The following CCDC85A variants were observed in gnomAD, a reference collection of about 807,000 sequenced individuals.
CCDC85A encodes the protein coiled-coil domain-containing protein 85A.
In CCDC85A, 38 loss-of-function variants were observed where a neutral mutation model predicts 50.2. The ratio of observed to expected loss-of-function variants is 0.76; its 90% CI spans 0.58 to 0.99. The LOEUF (loss-of-function observed/expected upper bound fraction) is 0.99. CCDC85A is among the 50% of genes least tolerant of loss of function. CCDC85A has a pLI of 0.00. For missense variants in CCDC85A, 820 were observed against 742.0 expected (o/e 1.11, Z -1.22); for synonymous variants, 366 against 301.4 (o/e 1.21, Z -2.22).
intron 2 of CCDC85A, among the ~76,000 whole-genome samples, chr2:56,255,620 C>A (rs1329996371): frequency 6.6e-6 from 1 of 152,104 alleles, no homozygotes; most frequent in Non-Finnish European, 1.5e-5. Context: ...GTCAAATGCC[C>A]TACACGTTAA....
intron 1 of CCDC85A, among the ~76,000 whole-genome samples, chr2:56,190,167 G>A (rs765819642): frequency 7.9e-5 from 12 of 152,186 alleles, no homozygotes; most frequent in Non-Finnish European, 1.3e-4. Context: ...AGTGAATTCA[G>A]CCCCCTTTCT....
intron 3 of CCDC85A, among the ~76,000 whole-genome samples, chr2:56,361,959 T>C (rs1367469794): frequency 6.6e-6 from 1 of 152,064 alleles, no homozygotes; most frequent in Non-Finnish European, 1.5e-5. Context: ...TGAGAGTGGC[T>C]TGAACTAAGT....
At chr2:56,359,019 G>T (rs1473333369) in intron 3 of CCDC85A, among the ~76,000 whole-genome samples, 1 of 150,516 alleles carries the variant, frequency 6.6e-6, no homozygotes, top group Non-Finnish European at 1.5e-5. Flanking sequence ...GGCCAGGCTG[G>T]TCTTGAACTC....
chr2:56,345,005 A>G (rs976768936), intron 3 of CCDC85A, among the ~76,000 whole-genome samples: 1 of 152,180 alleles, frequency 6.6e-6, no homozygotes, highest in African/African-American at 2.4e-5. Context: ...AGTGAGTGTT[A>G]GAAGTCTTGA....
At chr2:56,213,130 G>A (rs1030211106) in intron 2 of CCDC85A, among the ~76,000 whole-genome samples, 13 of 152,040 alleles carry the variant, frequency 8.6e-5, no homozygotes, top group South Asian at 4.2e-4. Context: ...TCAAAGAAAC[G>A]AGAAGTGAAG....
In CCDC85A at chr2:56,375,934, A is replaced by G; in HGVS notation, c.1571A>G (p.Lys524Arg). 6.2e-7 allele frequency: 1 copy of G among 1,612,894 alleles called. No individual in the cohort carries two copies. Among genetic ancestry groups the G allele is most frequent in the Non-Finnish European group, 8.5e-7 (1 of 1,179,238 alleles). ...QQPEPVVHSL[K>R]VVWRKLGDAA... ...CCTGAACCTGTGGTACATTCTCTTA[A>G]GGTAACCAATCGTGTGCAACCATTT... Residue 524 changes from lysine (K) to arginine (R), a missense_variant and splice_region_variant, in exon 5 of 6, where the codon AAG (lysine) becomes AGG (arginine). Lys to Arg is a conservative substitution (Grantham distance 26). Coordinates refer to ENST00000407595, the MANE Select transcript of CCDC85A (RefSeq NM_001080433.2).
intron 2 of CCDC85A, among the ~76,000 whole-genome samples, chr2:56,282,804 C>T (rs193240869): frequency 4.5e-4 from 68 of 152,356 alleles, no homozygotes; most frequent in Non-Finnish European, 6.9e-4. Flanking sequence ...GCCACCATTC[C>T]CGGCCATACT....
At chr2:56,196,188 C>T (rs566807389) in intron 2 of CCDC85A, among the ~76,000 whole-genome samples, 2 of 152,148 alleles carry the variant, frequency 1.3e-5, no homozygotes, top group Admixed American at 1.3e-4. Context: ...GTTTAGAAAA[C>T]AACAAAAGCA....
chr2:56,220,938 T>C (rs113894979), intron 2 of CCDC85A, among the ~76,000 whole-genome samples: 1 of 152,102 alleles, frequency 6.6e-6, no homozygotes, highest in Non-Finnish European at 1.5e-5. Context: ...GGTCTCTCCA[T>C]TTGCATGAAA....
chr2:56,213,078 A>C (rs1677244677), intron 2 of CCDC85A, among the ~76,000 whole-genome samples: 1 of 152,018 alleles, frequency 6.6e-6, no homozygotes, highest in Non-Finnish European at 1.5e-5. Context: ...ATGCAAGGTA[A>C]TTATTATTAA....
intron 3 of CCDC85A, among the ~76,000 whole-genome samples, chr2:56,366,716 T>C (rs1322566923): frequency 6.6e-6 from 1 of 152,144 alleles, no homozygotes; most frequent in Admixed American, 6.5e-5. Context: ...AGGGTAGTGC[T>C]AACGTGGTAG....
At chr2:56,262,786 G>A (rs542538602) in intron 2 of CCDC85A, among the ~76,000 whole-genome samples, 1 of 152,344 alleles carries the variant, frequency 6.6e-6, no homozygotes, top group African/African-American at 2.4e-5. Context: ...CTTTGGAATA[G>A]AGAATGTTCA....
chr2:56,369,936 A>T (rs999073119), intron 3 of CCDC85A, among the ~76,000 whole-genome samples: 2 of 152,188 alleles, frequency 1.3e-5, no homozygotes, highest in Non-Finnish European at 2.9e-5. Flanking sequence ...AAAGAGACTC[A>T]GTGATTCATA....
intron 2 of CCDC85A, among the ~76,000 whole-genome samples, chr2:56,226,991 G>A (rs1166889728): frequency 6.6e-6 from 1 of 152,054 alleles, no homozygotes; most frequent in Non-Finnish European, 1.5e-5. Context: ...CTGAGAAAGG[G>A]GTAAAAGCTA....
intron 2 of CCDC85A, among the ~76,000 whole-genome samples, chr2:56,288,003 T>C (rs1255681165): frequency 6.6e-6 from 1 of 152,148 alleles, no homozygotes; most frequent in African/African-American, 2.4e-5. Context: ...CTTTGGGGTC[T>C]CTTTCCATCC....
chr2:56,287,699 T>C (rs1671509001), intron 2 of CCDC85A, among the ~76,000 whole-genome samples: 1 of 152,218 alleles, frequency 6.6e-6, no homozygotes, highest in Non-Finnish European at 1.5e-5. Flanking sequence ...TACAGGCCTC[T>C]TCTTTCTTGG....
chr2:56,214,685 T>G (rs1009439157), intron 2 of CCDC85A, among the ~76,000 whole-genome samples: 1 of 151,926 alleles, frequency 6.6e-6, no homozygotes, highest in Non-Finnish European at 1.5e-5. Context: ...ATCAATGGAC[T>G]GTATTTGTGT....
intron 1 of CCDC85A, among the ~76,000 whole-genome samples, chr2:56,186,396 T>C (rs564886412): frequency 5.3e-5 from 8 of 152,330 alleles, no homozygotes; most frequent in African/African-American, 1.9e-4. Context: ...TACAATGCAA[T>C]GATAATAACT....
chr2:56,207,816 CTGA>C (rs1346403724), intron 2 of CCDC85A, among the ~76,000 whole-genome samples: 1 of 152,102 alleles, frequency 6.6e-6, no homozygotes, highest in East Asian at 1.9e-4. Flanking sequence ...TGCTGAGGTG[CTGA>C]TAATATTGAA....
Sources: allele counts gnomAD v4.1 joint callset (sites outside exome capture counted in the v4.1 genomes callset), GRCh38; gene constraint gnomAD v4.1.1; transcripts MANE v1.5; gene names NCBI Gene and HGNC (gene_info 2026-07-23, HGNC 2026-07-21).